The following CACNA1C variants were observed in gnomAD, a reference collection of about 807,000 sequenced individuals.
CACNA1C encodes calcium voltage-gated channel subunit alpha1 C.
In CACNA1C, 30 loss-of-function variants were observed where a neutral mutation model predicts 229.0. The ratio of observed to expected loss-of-function variants is 0.13; its 90% confidence interval spans 0.10 to 0.18. The LOEUF (loss-of-function observed/expected upper bound fraction) is 0.18, where lower values mean the gene tolerates loss of function less well. Ranked by LOEUF, CACNA1C falls within the 10% of genes least tolerant of loss-of-function variation. The probability of loss-of-function intolerance (pLI) is 1.00; values close to 1 mark genes in which losing one functional copy is unlikely to be tolerated. For synonymous variants in CACNA1C, 1,114 were observed against 1,132.5 expected (o/e 0.98, Z 0.33); for missense variants, 1,658 against 2,845.0 (o/e 0.58, Z 9.49).
intron 1 of CACNA1C, among the ~76,000 whole-genome samples, chr12:2,112,988 G>GAGACCCAATTCACATTAGCTTTAGCT (rs575589567): frequency 1.8e-3 from 269 of 152,356 alleles, no homozygotes; most frequent in Non-Finnish European, 3.2e-3. Flanking sequence ...GCAAGGGACA[G>GAGACCCAATTCACATTAGCTTTAGCT]AGACCCAATT....
chr12:2,358,647 C>G (rs2097460701), intron 3 of CACNA1C, among the ~76,000 whole-genome samples: 1 of 152,200 alleles, frequency 6.6e-6, no homozygotes, highest in Admixed American at 6.5e-5. Flanking sequence ...TCTAAGTGCA[C>G]TAGGCTTTCT....
At chr12:2,119,451 G>T (rs1050959178) in intron 2 of CACNA1C, among the ~76,000 whole-genome samples, 6 of 152,304 alleles carry the variant, frequency 3.9e-5, no homozygotes, top group Middle Eastern at 3.4e-3. Flanking sequence ...GGGTGGTCCC[G>T]TCGGAAGGGG....
At chr12:2,564,037 G>A (rs1419959620) in intron 11 of CACNA1C, among the ~76,000 whole-genome samples, 12 of 152,174 alleles carry the variant, frequency 7.9e-5, no homozygotes, top group South Asian at 2.1e-4. Flanking sequence ...TTGGAGAAAC[G>A]GACTCATGCC....
chr12:2,171,276 G>A (rs1214300258), intron 3 of CACNA1C, among the ~76,000 whole-genome samples: 3 of 152,158 alleles, frequency 2.0e-5, no homozygotes, highest in South Asian at 4.1e-4. Flanking sequence ...AACTGGCCCC[G>A]TAGAGATTAA....
intron 20 of CACNA1C, chr12:2,596,308 A>C: frequency 3.8e-6 from 1 of 265,068 alleles, no homozygotes; most frequent in Non-Finnish European, 7.1e-6. Context: ...AAATGTGGCC[A>C]CTGACTACAT....
intron 3 of CACNA1C, among the ~76,000 whole-genome samples, chr12:2,359,278 G>A (rs1361733310): frequency 6.6e-6 from 1 of 152,180 alleles, no homozygotes; most frequent in Non-Finnish European, 1.5e-5. Context: ...CACGTGAATG[G>A]AGGGAAAGCT....
Position 2,304,313 on chromosome 12 carries a change from C to T in CACNA1C, c.478-144663C>T, listed in dbSNP as rs557894107. ...CTGGAGGGCGGTCCAGCCTAGGACA[C>T]GCTTTGGGCTTGCAGTTCCTTTCCT... On this transcript the variant is annotated intron_variant, in intron 3 of 46. Coordinates refer to ENST00000399655, the MANE Select transcript of CACNA1C (RefSeq NM_000719.7). Among the ~76,000 whole-genome samples the T allele has an allele frequency of 7.7e-4, 117 of 152,290 alleles. 2 individuals carry two copies. Among genetic ancestry groups the T allele is most frequent in the African/African-American group, 2.7e-3 (113 of 41,566 alleles).
At chr12:2,081,527 C>T (rs1050225678) in intron 1 of CACNA1C, among the ~76,000 whole-genome samples, 6 of 151,474 alleles carry the variant, frequency 4.0e-5, no homozygotes, top group Non-Finnish European at 5.9e-5. Flanking sequence ...GCCGAGATCG[C>T]GCCACTGCAC....
chr12:2,413,870 T>C (rs1307338736), intron 3 of CACNA1C, among the ~76,000 whole-genome samples: 1 of 152,198 alleles, frequency 6.6e-6, no homozygotes, highest in Non-Finnish European at 1.5e-5. Context: ...TCCCTTCCTC[T>C]TCCCCAGGCA....
chr12:2,172,757 T>C (rs189667496), intron 3 of CACNA1C, among the ~76,000 whole-genome samples: 1 of 152,200 alleles, frequency 6.6e-6, no homozygotes, highest in East Asian at 1.9e-4. Flanking sequence ...GAGGCACAAA[T>C]AAGGGAATGA....
intron 29 of CACNA1C, among the ~76,000 whole-genome samples, chr12:2,617,309 A>G (rs1431323333): frequency 1.3e-5 from 2 of 151,912 alleles, no homozygotes; most frequent in Non-Finnish European, 2.9e-5. Flanking sequence ...TCTTGGGGCC[A>G]CTCTTCATAG....
intron 3 of CACNA1C, among the ~76,000 whole-genome samples, chr12:2,312,743 C>G (rs1831366056): frequency 6.6e-6 from 1 of 152,082 alleles, no homozygotes; most frequent in Admixed American, 6.5e-5. Flanking sequence ...AACATTATCC[C>G]CCAATGTTGC....
chr12:2,430,742 C>G (rs1335679395), intron 3 of CACNA1C, among the ~76,000 whole-genome samples: 2 of 152,164 alleles, frequency 1.3e-5, no homozygotes, highest in East Asian at 3.8e-4. Flanking sequence ...ATGTGGAGGT[C>G]TCCTTCCCCC....
At chr12:2,541,124 A>G (rs2099869053) in intron 9 of CACNA1C, among the ~76,000 whole-genome samples, 1 of 152,070 alleles carries the variant, frequency 6.6e-6, no homozygotes, top group Non-Finnish European at 1.5e-5. Context: ...GCCCACCCTC[A>G]TGACCTCATC....
chr12:2,139,468 C>T (rs1311815910), intron 3 of CACNA1C, among the ~76,000 whole-genome samples: 1 of 150,558 alleles, frequency 6.6e-6, no homozygotes, highest in Non-Finnish European at 1.5e-5. Flanking sequence ...CACATCTACA[C>T]AGATCCAGTG....
chr12:2,091,714 G>T (rs2071168580), intron 1 of CACNA1C, among the ~76,000 whole-genome samples: 1 of 152,268 alleles, frequency 6.6e-6, no homozygotes, highest in Admixed American at 6.5e-5. Context: ...ACAAGGACGT[G>T]TCTGGGGGTG....
At position 2,608,764 on chromosome 12, in the gene CACNA1C, AGCCT is replaced by A; in HGVS notation, c.3558+55_3558+58del. On this transcript the variant is annotated intron_variant, in intron 27 of 46. Transcript: ENST00000399655. This position sits in a 1 kb window ranked among gnomAD's most constrained non-coding sequence, Gnocchi z 4.2. ...AAGCGGGGCCCACGGAGGGAATGGC[AGCCT>A]GCGGCCCACCCCGCAGAGGGGCTGC... 1 of 1,584,620 alleles carries A rather than the reference AGCCT, an allele frequency of 6.3e-7. No homozygotes were observed. Among genetic ancestry groups the A allele is most frequent in the Non-Finnish European group, 8.6e-7 (1 of 1,158,304 alleles).
intron 1 of CACNA1C, among the ~76,000 whole-genome samples, chr12:2,012,526 T>G (rs947159601): frequency 1.3e-5 from 2 of 152,230 alleles, no homozygotes; most frequent in Non-Finnish European, 2.9e-5. Flanking sequence ...CCTGTATTAT[T>G]TAAACAAATC....
At chr12:2,617,140 C>T (rs1203623674) in intron 29 of CACNA1C, among the ~76,000 whole-genome samples, 1 of 152,210 alleles carries the variant, frequency 6.6e-6, no homozygotes, top group Admixed American at 6.5e-5. Context: ...GCGGTTTCTC[C>T]GGTCCCCCAC....
Sources: gnomAD v4.1 joint callset for allele counts (sites outside exome capture counted in the v4.1 genomes callset) on GRCh38, gnomAD v4.1.1 for gene constraint, Gnocchi (gnomAD v3.1) non-coding constraint, MANE v1.5 for transcripts, NCBI Gene and HGNC (gene_info 2026-07-23, HGNC 2026-07-21) for gene names.